IQSEC1: variants seen among roughly 807,000 people sequenced by gnomAD.
IQSEC1 encodes IQ motif and SEC7 domain-containing protein 1.
IQSEC1 carries 31 observed loss-of-function variants against 91.0 expected under a neutral mutation model. The observed-to-expected ratio is 0.34, with a 90% CI of 0.26 to 0.46. The LOEUF (loss-of-function observed/expected upper bound fraction) is 0.46. Ranked by LOEUF, IQSEC1 falls within the 20% of genes least tolerant of loss-of-function variation. IQSEC1 has a pLI of 1.00. For missense variants in IQSEC1, 1,388 were observed against 1,575.6 expected (o/e 0.88, Z 2.02); for synonymous variants, 699 against 662.6 (o/e 1.05, Z -0.84).
At chr3:13,253,591 T>C (rs752778728) in intron 1 of IQSEC1, among the ~76,000 whole-genome samples, 1 of 152,196 alleles carries the variant, frequency 6.6e-6, no homozygotes, top group Non-Finnish European at 1.5e-5. Flanking sequence ...TGCATCAAAA[T>C]ATTAGATAAG....
At chr3:13,075,234 T>C (rs460117), upstream of IQSEC1, among the ~76,000 whole-genome samples, 86,399 of 152,040 alleles carry the variant, frequency 0.57, 25,146 homozygotes, top group African/African-American at 0.69. Flanking sequence ...GCTCACTTTG[T>C]GTCAGGTCCA....
chr3:13,227,333 G>A (rs182943058), intron 1 of IQSEC1, among the ~76,000 whole-genome samples: 3 of 123,790 alleles, frequency 2.4e-5, no homozygotes, highest in African/African-American at 9.7e-5. Context: ...CCGAGATTGC[G>A]CCATTGCATT....
At chr3:12,952,708 C>T (rs765866685) in intron 1 of IQSEC1, among the ~76,000 whole-genome samples, 4 of 152,204 alleles carry the variant, frequency 2.6e-5, no homozygotes, top group East Asian at 1.9e-4. Context: ...CGCTCTGGCA[C>T]GCTCTCACCC....
At chr3:13,041,090 G>A (rs1358505432) in intron 1 of IQSEC1, among the ~76,000 whole-genome samples, 1 of 152,102 alleles carries the variant, frequency 6.6e-6, no homozygotes. Flanking sequence ...CTGCGCACAG[G>A]GGCTTTAATG....
At chr3:13,269,165 C>T (rs779847984) in intron 1 of IQSEC1, among the ~76,000 whole-genome samples, 17 of 152,150 alleles carry the variant, frequency 1.1e-4, no homozygotes, top group Admixed American at 2.0e-4. Flanking sequence ...ACTTGGCCAC[C>T]GGCTCAGGGC....
chr3:13,171,365 C>T (rs73815427), intron 1 of IQSEC1, among the ~76,000 whole-genome samples: 5,348 of 152,276 alleles, frequency 0.035, 324 homozygotes, highest in African/African-American at 0.12. Context: ...TCCTGGGAGG[C>T]TACAGAGGCT....
At chr3:13,005,914 A>G (rs1702616226) in intron 1 of IQSEC1, among the ~76,000 whole-genome samples, 3 of 152,202 alleles carry the variant, frequency 2.0e-5, no homozygotes, top group Admixed American at 2.0e-4. Flanking sequence ...ACATCACAGC[A>G]CACAGAGTGC....
Position 12,941,741 on chromosome 3 carries a change from C to T in IQSEC1, c.148G>A (p.Gly50Arg), listed in dbSNP as rs1467785898. 1 of 1,612,260 alleles carries T rather than the reference C, an allele frequency of 6.2e-7. No individual in the cohort carries two copies. The highest frequency in any genetic ancestry group is 1.7e-5 in the Admixed American group (1 of 59,992). Residue 50 changes from glycine (G) to arginine (R), a missense_variant, in exon 2 of 14, where the codon GGA (glycine) becomes AGA (arginine). Around this residue, in one of 2 missense-constraint regions of IQSEC1, gnomAD observed 1,059 missense variants for 1,317.8 expected, o/e 0.80. Coordinates refer to ENST00000613206, the MANE Select transcript of IQSEC1 (RefSeq NM_001134382.3). ...SPDHYEHTSV[G>R]AYGLYSGPPG... ...GGCCCCGAGTACAGCCCATAGGCTC[C>T]CACTGACGTGTGCTCGTAGTGATCC...
rs138016021 is a variant in IQSEC1, at chr3:13,202,895, G to A, written c.273-38762C>T. ...GTCCTTTACGCGTGATCAGTGTGCC[G>A]GGCGCCATTCTGAGCATGCTACATG... On this transcript the variant is annotated intron_variant, in intron 1 of 15. Transcript: ENST00000648114. 7.2e-5 allele frequency among the ~76,000 whole-genome samples: 11 copies of A among 152,240 alleles called. No individual in the cohort carries two copies. The East Asian group carries it at 1.2e-3, about 16-fold the overall frequency.
At chr3:12,936,728 A>G in intron 2 of IQSEC1, 31 bp from the exon 3 acceptor site, 1 of 1,532,604 alleles carries the variant, frequency 6.5e-7, no homozygotes, top group Non-Finnish European at 8.8e-7. Context: ...TGAGAACAGC[A>G]CTGCATGTAG....
chr3:13,022,552 C>T, intron 1 of IQSEC1: 3 of 773,438 alleles, frequency 3.9e-6, no homozygotes, highest in Non-Finnish European at 4.7e-6. Flanking sequence ...GCCCTGCGTC[C>T]AGAGGCTGGC....
rs1696581649 is a variant in IQSEC1, at chr3:12,921,005, G to A, written c.1854-409C>T. Among the ~76,000 whole-genome samples, 2 of 152,184 alleles carry A rather than the reference G, an allele frequency of 1.3e-5. 1 individual carries two copies. The highest frequency in any genetic ancestry group is 4.1e-4 in the South Asian group (2 of 4,836). On this transcript the variant is annotated intron_variant, in intron 5 of 13. Transcript: ENST00000613206. Reference sequence around the variant, plus strand: ...GACCTTGAGGTGAAAGCAGCCAGGGGCACCTCCACACCAGCTCAGAGGGAG... The same window carrying A: ...GACCTTGAGGTGAAAGCAGCCAGGGACACCTCCACACCAGCTCAGAGGGAG...
intron 1 of IQSEC1, among the ~76,000 whole-genome samples, chr3:13,244,952 T>C (rs80210222): frequency 0.021 from 3,232 of 152,256 alleles, 105 homozygotes; most frequent in African/African-American, 0.073. Flanking sequence ...AGAACCTCAA[T>C]GGAGGCACGC....
At chr3:13,039,806 C>T (rs1704183040) in intron 1 of IQSEC1, among the ~76,000 whole-genome samples, 1 of 152,208 alleles carries the variant, frequency 6.6e-6, no homozygotes, top group Non-Finnish European at 1.5e-5. Flanking sequence ...AAGATGACTG[C>T]CCCCAGCCCT....
chr3:13,074,498 T>C (rs767246005), upstream of IQSEC1, among the ~76,000 whole-genome samples: 3 of 152,206 alleles, frequency 2.0e-5, no homozygotes, highest in Non-Finnish European at 2.9e-5. Context: ...CCCAGACCTA[T>C]CTCAGAGGCA....
rs1028608275 is a variant in IQSEC1 at position 12,994,758 on chromosome 3, C to A, written c.24-52893G>T. ...ACACACCCTCCTGACTGTTTGGGGACGGGGTGGGGACCTGGGCCTGCCGGT... is the reference window on the plus strand; with the variant it reads ...ACACACCCTCCTGACTGTTTGGGGAAGGGGTGGGGACCTGGGCCTGCCGGT... On this transcript the variant is annotated intron_variant, in intron 1 of 13. Coordinates refer to ENST00000613206, the MANE Select transcript of IQSEC1 (RefSeq NM_001134382.3). This position sits in a 1 kb window ranked among gnomAD's most constrained non-coding sequence, Gnocchi z 4.5. Among the ~76,000 whole-genome samples the A allele has an allele frequency of 6.6e-6, 1 of 152,332 alleles. No individual in the cohort carries two copies. The highest frequency in any genetic ancestry group is 2.1e-4 in the South Asian group (1 of 4,832).
intron 1 of IQSEC1, among the ~76,000 whole-genome samples, chr3:13,264,372 G>A (rs1167702554): frequency 6.6e-6 from 1 of 152,212 alleles, no homozygotes; most frequent in Non-Finnish European, 1.5e-5. Flanking sequence ...GACAGCAGGG[G>A]CAGAAGGGCG....
intron 1 of IQSEC1, among the ~76,000 whole-genome samples, chr3:13,224,881 T>C (rs908854011): frequency 2.0e-4 from 31 of 152,222 alleles, no homozygotes; most frequent in African/African-American, 7.0e-4. Context: ...TACTAACAAT[T>C]CCATCAGCAA....
chr3:12,936,799 G>T (rs1698246107), intron 2 of IQSEC1, 102 bp from the exon 3 acceptor site: 2 of 1,207,586 alleles, frequency 1.7e-6, no homozygotes, highest in Non-Finnish European at 2.3e-6. Context: ...GTGCGACCTG[G>T]GAAGGTCCCA....
Sources: allele counts gnomAD v4.1 joint callset (sites outside exome capture counted in the v4.1 genomes callset), GRCh38; gene constraint gnomAD v4.1.1; regional missense constraint gnomAD v4.1.1; non-coding constraint Gnocchi (gnomAD v3.1); transcripts MANE v1.5; gene names NCBI Gene and HGNC (gene_info 2026-07-23, HGNC 2026-07-21).